Variants in CDK13 observed in about 807,000 individuals in gnomAD.
CDK13 encodes cyclin dependent kinase 13, also known as cyclin-dependent kinase 13.
CDK13 carries 40 observed loss-of-function variants against 137.6 expected under a neutral mutation model. The ratio of observed to expected loss-of-function variants is 0.29; its 90% CI spans 0.23 to 0.38. CDK13 has a LOEUF of 0.38. Among genes scored for constraint, CDK13 ranks in the 10% least tolerant of loss-of-function variants. The pLI is 1.00. For missense variants in CDK13, 1,704 were observed against 1,951.8 expected, an observed-to-expected ratio of 0.87 and a Z score of 2.39; for synonymous variants, 869 against 760.1, an observed-to-expected ratio of 1.14 and a Z score of -2.36.
At chr7:40,020,199 C>A (rs1001001168) in intron 5 of CDK13, among the ~76,000 whole-genome samples, 2 of 152,112 alleles carry the variant, frequency 1.3e-5, no homozygotes, top group Admixed American at 1.3e-4. Context: ...TCCCAAGTAG[C>A]TGGGACTACA....
chr7:39,995,233 A>G (rs898853878), intron 2 of CDK13, among the ~76,000 whole-genome samples: 6 of 152,202 alleles, frequency 3.9e-5, no homozygotes, highest in African/African-American at 1.4e-4. Context: ...AATATTCGAT[A>G]ATACACTGGA....
chr7:40,095,520 AC>A lies in CDK13; in HGVS notation c.*542del, dbSNP rs1464659314. The A allele has an allele frequency of 6.6e-6, 1 of 150,454 alleles. No homozygotes were observed. Among genetic ancestry groups the A allele is most frequent in the East Asian group, 1.9e-4 (1 of 5,140 alleles). 9.3% of individuals were successfully genotyped at this position (150,454 alleles called of 1,614,324 possible). On this transcript the variant is annotated 3_prime_UTR_variant, in exon 14 of 14. Coordinates refer to ENST00000181839, the MANE Select transcript of CDK13 (RefSeq NM_003718.5). ...TGCTCATTTCAGAAAATAAAACACA[AC>A]CTTTCTCTTGATGCAACAGTTTTAT... is the stretch of plus-strand genomic sequence containing the variant.
chr7:40,019,090 C>G (rs1412128274), intron 5 of CDK13, among the ~76,000 whole-genome samples: 6 of 152,104 alleles, frequency 3.9e-5, no homozygotes, highest in Non-Finnish European at 7.4e-5. Context: ...GAAGGTTATT[C>G]ATACTGTTTA....
chr7:40,088,744 G>A (rs556729529), intron 12 of CDK13, among the ~76,000 whole-genome samples: 2 of 152,220 alleles, frequency 1.3e-5, no homozygotes, highest in African/African-American at 4.8e-5. Flanking sequence ...GCGTCCTCAT[G>A]TCACTCCTAA....
chr7:40,003,149 CAGCT>C (rs1562722841), intron 5 of CDK13, among the ~76,000 whole-genome samples: 4 of 135,504 alleles, frequency 3.0e-5, no homozygotes, highest in Non-Finnish European at 4.7e-5. Context: ...CTGTCTTCCC[CAGCT>C]ACACACACAC....
intron 1 of CDK13, chr7:39,985,741 A>C (rs993002837): frequency 6.6e-6 from 1 of 152,226 alleles, no homozygotes; most frequent in Admixed American, 6.5e-5. Flanking sequence ...CTCAGATCTT[A>C]TAAGAGACTT....
intron 7 of CDK13, chr7:40,061,105 A>AGG (rs1786136848): frequency 1.3e-5 from 2 of 151,900 alleles, no homozygotes; most frequent in South Asian, 4.1e-4. Context: ...AAGCATAAAG[A>AGG]GGTGAGCATA....
intron 1 of CDK13, among the ~76,000 whole-genome samples, chr7:39,959,863 T>G (rs897409800): frequency 6.6e-6 from 1 of 151,720 alleles, no homozygotes; most frequent in Non-Finnish European, 1.5e-5. Flanking sequence ...TTTTGCGGCA[T>G]TAGCAAGTAT....
At chr7:39,959,084 G>A (rs1016645062) in intron 1 of CDK13, among the ~76,000 whole-genome samples, 1 of 151,844 alleles carries the variant, frequency 6.6e-6, no homozygotes, top group Non-Finnish European at 1.5e-5. Flanking sequence ...AGCCCCTATT[G>A]GTGCCTGGCA....
chr7:39,965,111 G>A (rs1783838521), intron 1 of CDK13, among the ~76,000 whole-genome samples: 1 of 152,196 alleles, frequency 6.6e-6, no homozygotes, highest in Admixed American at 6.5e-5. Flanking sequence ...TTGATTTGGG[G>A]TGGAGAGTTC....
intron 7 of CDK13, among the ~76,000 whole-genome samples, chr7:40,051,621 G>GT (rs749736949): frequency 2.7e-4 from 41 of 152,256 alleles, no homozygotes; most frequent in Non-Finnish European, 4.4e-4. Context: ...TTTGTGTAAG[G>GT]TTTTTTGTTT....
chr7:39,959,360 C>T (rs985096265), intron 1 of CDK13, among the ~76,000 whole-genome samples: 4 of 151,810 alleles, frequency 2.6e-5, no homozygotes, highest in Non-Finnish European at 4.4e-5. Context: ...GAGGTTTTTC[C>T]ATGTTGGTCA....
intron 2 of CDK13, 41 bp downstream of exon 2, chr7:39,988,299 AAATGT>A (rs1784385236): frequency 4.0e-6 from 6 of 1,492,260 alleles, no homozygotes; most frequent in African/African-American, 1.4e-5. Context: ...TTCAAAGAAA[AAATGT>A]AAGTCTGAAG....
rs79153228 is a variant in CDK13, at chr7:40,003,244, C to T, written c.2353+1213C>T. Among the ~76,000 whole-genome samples, 13 of 144,498 alleles carry T rather than the reference C, an allele frequency of 9.0e-5. No homozygotes were observed. The East Asian group carries it at 2.4e-3, about 27-fold the overall frequency. 94.8% of individuals were successfully genotyped at this position (144,498 alleles called of 152,430 possible). On this transcript the variant is annotated intron_variant, in intron 5 of 13. Coordinates refer to ENST00000181839, the MANE Select transcript of CDK13 (RefSeq NM_003718.5). ...CTCTCTCTTACTCTGTTGAGGGACA[C>T]AATTCAAAATGATTGATAAACTACA...
chr7:40,084,495 G>T (rs11981264), intron 11 of CDK13, among the ~76,000 whole-genome samples: 1,806 of 152,170 alleles, frequency 0.012, 25 homozygotes, highest in African/African-American at 0.042. Context: ...AAACAAAAAA[G>T]TTAGAAATAA....
At chr7:40,027,084 T>C (rs1417847122) in intron 5 of CDK13, among the ~76,000 whole-genome samples, 1 of 152,188 alleles carries the variant, frequency 6.6e-6, no homozygotes, top group Non-Finnish European at 1.5e-5. Context: ...TGGCTCATGC[T>C]TGTAATCCCA....
intron 5 of CDK13, among the ~76,000 whole-genome samples, chr7:40,021,106 T>TACAC (rs778814352): frequency 0.13 from 8,718 of 65,060 alleles, 472 homozygotes; most frequent in Middle Eastern, 0.16. Context: ...AACAAACGTA[T>TACAC]ATATATATAT....
chr7:39,987,229 T>C (rs1280660014), intron 1 of CDK13: 1 of 167,888 alleles, frequency 6.0e-6, no homozygotes, highest in East Asian at 1.7e-4. Flanking sequence ...GAAGGTACTT[T>C]TGAGATGTGG....
Position 40,098,791 on chromosome 7 carries a change from T to TA in CDK13, c.*3812dup, listed in dbSNP as rs1255186659. The TA allele has an allele frequency of 7.2e-5, 11 of 152,206 alleles. No individual in the cohort carries two copies. The South Asian group carries it at 2.3e-3, about 32-fold the overall frequency. 9.4% of individuals were successfully genotyped at this position (152,206 alleles called of 1,614,324 possible). ...TTGACCAGTGATACGGTAAAATAAT[T>TA]AGACTATTGGACTAATGGTTTAACA... On this transcript the variant is annotated 3_prime_UTR_variant, in exon 14 of 14. Transcript: ENST00000181839.
Sources: allele counts gnomAD v4.1 joint callset (sites outside exome capture counted in the v4.1 genomes callset), GRCh38; gene constraint gnomAD v4.1.1; transcripts MANE v1.5; gene names NCBI Gene and HGNC (gene_info 2026-07-23, HGNC 2026-07-21).